Variants in BCAR3 observed in about 807,000 individuals in gnomAD.
The protein encoded by BCAR3 is breast cancer anti-estrogen resistance protein 3.
A neutral mutation model predicts 80.1 loss-of-function variants in BCAR3; 37 were observed. That is an observed-to-expected ratio of 0.46 (90% confidence interval 0.36 to 0.61). The LOEUF (loss-of-function observed/expected upper bound fraction) is 0.61, where lower values mean the gene tolerates loss of function less well. Among genes scored for constraint, BCAR3 ranks in the 20% least tolerant of loss-of-function variants. The pLI is 0.00. For missense variants in BCAR3, 978 were observed against 1,068.2 expected, an observed-to-expected ratio of 0.92 and a Z score of 1.18; for synonymous variants, 389 against 418.9, an observed-to-expected ratio of 0.93 and a Z score of 0.87.
At chr1:93,714,183 G>A (rs568653967) in intron 2 of BCAR3, among the ~76,000 whole-genome samples, 5 of 152,206 alleles carry the variant, frequency 3.3e-5, no homozygotes, top group East Asian at 1.9e-4. Context: ...GGGTTTCACC[G>A]TGTTAGCCAG....
intron 2 of BCAR3, among the ~76,000 whole-genome samples, chr1:93,821,702 T>C (rs74101578): frequency 0.14 from 21,728 of 152,188 alleles, 2,538 homozygotes; most frequent in African/African-American, 0.31. Context: ...TACTGAGCAC[T>C]ACACATATAC....
At chr1:93,754,287 G>A (rs1651673326) in intron 2 of BCAR3, 1 of 152,194 alleles carries the variant, frequency 6.6e-6, no homozygotes, top group Non-Finnish European at 1.5e-5. Flanking sequence ...TCTAGCTTTG[G>A]TGTTGTCAAC....
At chr1:93,624,977 G>A (rs1180590515) in intron 3 of BCAR3, among the ~76,000 whole-genome samples, 2 of 152,156 alleles carry the variant, frequency 1.3e-5, no homozygotes, top group South Asian at 2.1e-4. Flanking sequence ...TTGGGAGGCC[G>A]AGGAGGGCGG....
At chr1:93,610,712 G>A (rs1306028273) in intron 3 of BCAR3, among the ~76,000 whole-genome samples, 5 of 152,214 alleles carry the variant, frequency 3.3e-5, no homozygotes, top group African/African-American at 7.2e-5. Context: ...TTGGGAGGCC[G>A]AGGTGGGCAG....
chr1:93,691,874 G>A lies in BCAR3; in HGVS notation c.-12+14218C>T, dbSNP rs141832570. 6.2e-4 allele frequency among the ~76,000 whole-genome samples: 95 copies of A among 152,274 alleles called. 2 individuals carry two copies. The East Asian group carries it at 0.016, about 26-fold the overall frequency. Reference sequence around the variant, plus strand: ...AATTCACTCCCACGTGAGTGGCAGGGGTGTACGATCCCACACCATTCTCTT... The same window carrying A: ...AATTCACTCCCACGTGAGTGGCAGGAGTGTACGATCCCACACCATTCTCTT... On this transcript the variant is annotated intron_variant, in intron 3 of 13. Coordinates refer to the BCAR3 transcript ENST00000370244.
intron 2 of BCAR3, among the ~76,000 whole-genome samples, chr1:93,660,679 T>G (rs1322425929): frequency 6.6e-6 from 1 of 152,278 alleles, no homozygotes; most frequent in Non-Finnish European, 1.5e-5. Context: ...ATATAGCCTT[T>G]GCTAAATTTA....
intron 2 of BCAR3, among the ~76,000 whole-genome samples, chr1:93,734,744 C>T (rs1293349691): frequency 6.6e-6 from 1 of 152,146 alleles, no homozygotes; most frequent in African/African-American, 2.4e-5. Context: ...TGTTACTGGG[C>T]CAATCAGAAG....
chr1:93,753,872 TAC>T (rs10584274), intron 2 of BCAR3: 13,313 of 130,434 alleles, frequency 0.1, 1,251 homozygotes, highest in African/African-American at 0.25. Context: ...CACGTACACA[TAC>T]ACACACACAC....
At chr1:93,848,118 C>T (rs1655299620), upstream of BCAR3, 1 of 152,582 alleles carries the variant, frequency 6.6e-6, no homozygotes, top group African/African-American at 2.4e-5. Context: ...GATGAGCAGA[C>T]ACCCGAATCC....
At chr1:93,780,544 T>C (rs1395314684) in intron 2 of BCAR3, among the ~76,000 whole-genome samples, 1 of 143,770 alleles carries the variant, frequency 7.0e-6, no homozygotes, top group Non-Finnish European at 1.5e-5. Flanking sequence ...AAAATGGAGA[T>C]GGTAAACAGG....
At chr1:93,843,288 G>A (rs544528052) in intron 2 of BCAR3, among the ~76,000 whole-genome samples, 10 of 152,214 alleles carry the variant, frequency 6.6e-5, no homozygotes, top group African/African-American at 2.2e-4. Flanking sequence ...ATGTCCCTCC[G>A]GTTGCAACAA....
At chr1:93,693,747 A>C (rs1649282515) in intron 3 of BCAR3, among the ~76,000 whole-genome samples, 1 of 152,176 alleles carries the variant, frequency 6.6e-6, no homozygotes, top group Non-Finnish European at 1.5e-5. Context: ...CTCTGTAAAC[A>C]CGGACTGCTG....
At chr1:93,638,658 C>T (rs972457364) in intron 3 of BCAR3, among the ~76,000 whole-genome samples, 7 of 152,110 alleles carry the variant, frequency 4.6e-5, no homozygotes, top group African/African-American at 9.7e-5. Context: ...CGCCAGGAAC[C>T]GAAGTCACTA....
chr1:93,811,516 T>G (rs575978825), intron 2 of BCAR3, among the ~76,000 whole-genome samples: 2 of 152,366 alleles, frequency 1.3e-5, no homozygotes, highest in East Asian at 1.9e-4. Context: ...CTCTTAGTTT[T>G]AAGACTCTTC....
At chr1:93,600,402 G>A (rs1239227774) in intron 3 of BCAR3, among the ~76,000 whole-genome samples, 1 of 152,222 alleles carries the variant, frequency 6.6e-6, no homozygotes, top group Admixed American at 6.5e-5. Flanking sequence ...ATAACTGTCA[G>A]AGGCATGACT....
intron 2 of BCAR3, among the ~76,000 whole-genome samples, chr1:93,796,646 G>A (rs561287090): frequency 6.6e-6 from 1 of 152,226 alleles, no homozygotes; most frequent in South Asian, 2.1e-4. Context: ...GCTGTAGACT[G>A]GAGCTGTTCC....
chr1:93,745,751 A>T (rs1651335309), intron 2 of BCAR3, among the ~76,000 whole-genome samples: 1 of 152,176 alleles, frequency 6.6e-6, no homozygotes, highest in Non-Finnish European at 1.5e-5. Context: ...CTTTTAAGAA[A>T]TTTTATAGCT....
At chr1:93,808,213 C>G (rs924667951) in intron 2 of BCAR3, among the ~76,000 whole-genome samples, 1 of 152,028 alleles carries the variant, frequency 6.6e-6, no homozygotes, top group African/African-American at 2.4e-5. Flanking sequence ...CTATTGTTTT[C>G]AGAGCCCCAA....
chr1:93,759,826 AT>A (rs143417247), intron 2 of BCAR3, among the ~76,000 whole-genome samples: 17,799 of 152,130 alleles, frequency 0.12, 1,468 homozygotes, highest in African/African-American at 0.22. Context: ...CCAGTGGCTC[AT>A]TTTTCCTTTT....
Sources: gnomAD v4.1 joint callset for allele counts (sites outside exome capture counted in the v4.1 genomes callset) on GRCh38, gnomAD v4.1.1 for gene constraint, MANE v1.5 for transcripts, NCBI Gene and HGNC (gene_info 2026-07-23, HGNC 2026-07-21) for gene names.